Variants in SRPK2 observed in about 807,000 individuals in gnomAD.
The protein encoded by SRPK2 is SRSF protein kinase 2.
In SRPK2, 21 loss-of-function variants were observed where a neutral mutation model predicts 90.8. The ratio of observed to expected loss-of-function variants is 0.23; its 90% confidence interval spans 0.16 to 0.33. The LOEUF is 0.33. Ranked by LOEUF, SRPK2 falls within the 10% of genes least tolerant of loss-of-function variation. The pLI is 1.00. For synonymous variants in SRPK2, 288 were observed against 311.1 expected (o/e 0.93, Z 0.78); for missense variants, 620 against 869.0 (o/e 0.71, Z 3.60).
chr7:105,162,524 A>T (rs1343919973), intron 6 of SRPK2, among the ~76,000 whole-genome samples: 2 of 152,236 alleles, frequency 1.3e-5, no homozygotes, highest in Non-Finnish European at 2.9e-5. Flanking sequence ...TAGTTGATTT[A>T]ATCAACTATA....
intron 2 of SRPK2, among the ~76,000 whole-genome samples, chr7:105,263,506 C>T (rs1247111346): frequency 6.6e-6 from 1 of 151,992 alleles, no homozygotes; most frequent in Admixed American, 6.6e-5. Context: ...ACATAGGTAA[C>T]CTCACATAGG....
intron 7 of SRPK2, among the ~76,000 whole-genome samples, chr7:105,154,580 G>A (rs1032145301): frequency 6.6e-6 from 1 of 152,026 alleles, no homozygotes; most frequent in South Asian, 2.1e-4. Flanking sequence ...GCATACTAGA[G>A]GGTTGCACCC....
chr7:105,169,237 G>A lies in SRPK2; in HGVS notation c.258C>T (p.Asp86=). The change falls in exon 4 of 16, where the codon GAC becomes GAT. Residue 86 remains aspartate, a synonymous_variant. Coordinates refer to ENST00000393651, the MANE Select transcript of SRPK2 (RefSeq NM_182692.3). ...KGGYHPVKIG[D]LFNGRYHVIR... ...TAACATGATACCGGCCATTGAAGAG[G>A]TCTCCAATTTTCACTGGATGATATC... The A allele has an allele frequency of 3.7e-6, 6 of 1,613,840 alleles. No individual in the cohort carries two copies. Among genetic ancestry groups the A allele is most frequent in the Non-Finnish European group, 5.1e-6 (6 of 1,179,896 alleles).
At chr7:105,152,213 G>A (rs1283542308) in intron 7 of SRPK2, among the ~76,000 whole-genome samples, 2 of 151,868 alleles carry the variant, frequency 1.3e-5, no homozygotes, top group East Asian at 2.0e-4. Context: ...GCAGTGGCAC[G>A]ATCTTGGCTC....
intron 15 of SRPK2, 116 bp downstream of exon 15, chr7:105,126,132 C>A (rs1801165362): frequency 1.1e-6 from 1 of 884,126 alleles, no homozygotes; most frequent in Non-Finnish European, 1.8e-6. Context: ...AGGAATTCTG[C>A]TGGGTTGCGT....
intron 6 of SRPK2, among the ~76,000 whole-genome samples, chr7:105,166,476 TG>T (rs1446333854): frequency 2.0e-5 from 3 of 152,190 alleles, no homozygotes; most frequent in Non-Finnish European, 4.4e-5. Flanking sequence ...TAAAAGGACA[TG>T]ACTTCTAGGA....
intron 14 of SRPK2, 102 bp downstream of exon 14, chr7:105,126,891 C>G: frequency 8.3e-7 from 1 of 1,208,076 alleles, no homozygotes; most frequent in African/African-American, 1.5e-5. Flanking sequence ...GTTTGAAAAC[C>G]AAACACATGG....
At chr7:105,394,644 T>C (rs1277262496) in intron 1 of SRPK2, among the ~76,000 whole-genome samples, 1 of 152,222 alleles carries the variant, frequency 6.6e-6, no homozygotes, top group African/African-American at 2.4e-5. Context: ...GGGAGATACA[T>C]CGCCAATCTG....
intron 2 of SRPK2, among the ~76,000 whole-genome samples, chr7:105,344,757 T>C (rs892941621): frequency 4.7e-5 from 7 of 150,516 alleles, no homozygotes. Flanking sequence ...TAACTTTATT[T>C]GCAAGTCTTT....
intron 7 of SRPK2, among the ~76,000 whole-genome samples, chr7:105,159,682 T>A (rs1807270444): frequency 6.6e-6 from 1 of 152,180 alleles, no homozygotes; most frequent in South Asian, 2.1e-4. Context: ...CATCTACGCA[T>A]ACTTTCATTC....
chr7:105,369,622 C>A (rs1314258127), intron 2 of SRPK2, among the ~76,000 whole-genome samples: 2 of 152,166 alleles, frequency 1.3e-5, no homozygotes, highest in Admixed American at 1.3e-4. Context: ...CTGCAATTAA[C>A]ATTCAGTAAC....
At position 105,323,967 on chromosome 7, in the gene SRPK2, T is replaced by TGTGTG. The variant is rs1813232169; in HGVS notation, c.71+64680_71+64681insCACAC. Among the ~76,000 whole-genome samples the TGTGTG allele has an allele frequency of 1.5e-3, 201 of 133,898 alleles. 1 individual carries two copies. Among genetic ancestry groups the TGTGTG allele is most frequent in the African/African-American group, 5.3e-3 (193 of 36,666 alleles). The allele number at this position is 133,898 out of a possible 152,430, so 87.8% of individuals were successfully genotyped here. On this transcript the variant is annotated intron_variant, in intron 2 of 15. Coordinates refer to ENST00000393651, the MANE Select transcript of SRPK2 (RefSeq NM_182692.3). ...AAAAAGACTTTGGTCAGACTATTCT[T>TGTGTG]TGTGTGTGTGTGTGTGTGTGTGTGT...
At chr7:105,261,551 A>G (rs1404532745) in intron 2 of SRPK2, among the ~76,000 whole-genome samples, 4 of 152,102 alleles carry the variant, frequency 2.6e-5, no homozygotes, top group Non-Finnish European at 2.9e-5. Flanking sequence ...AAGAAAAAAG[A>G]AAAATCTAAG....
At chr7:105,120,463 C>T (rs1214753808) in intron 15 of SRPK2, among the ~76,000 whole-genome samples, 1 of 152,124 alleles carries the variant, frequency 6.6e-6, no homozygotes, top group African/African-American at 2.4e-5. Flanking sequence ...AACTATTCAT[C>T]CATAACTAGG....
At position 105,160,555 on chromosome 7, in the gene SRPK2, G is replaced by C. The variant is rs567907807; in HGVS notation, c.573C>G (p.Ser191=). 60 of 1,613,782 alleles carry C rather than the reference G, an allele frequency of 3.7e-5. No individual in the cohort carries two copies. In the South Asian group the frequency reaches 6.4e-4, roughly 17 times the overall value. The change falls in exon 7 of 16, where the codon TCC becomes TCG. Residue 191 remains serine, a synonymous_variant. Coordinates refer to ENST00000393651, the MANE Select transcript of SRPK2 (RefSeq NM_182692.3). ...GHHLLKWIIK[S]NYQGLPVRCV... is the part of the protein sequence containing the mutation. ...AACGTACTGGGAGGCCTTGATAGTT[G>C]GATTTGATGATCCACTTGAGGAGAT...
intron 2 of SRPK2, among the ~76,000 whole-genome samples, chr7:105,370,077 T>A (rs1365501991): frequency 6.6e-6 from 1 of 151,928 alleles, no homozygotes; most frequent in Non-Finnish European, 1.5e-5. Flanking sequence ...CTAGCTGGCA[T>A]CAAACACAGT....
At chr7:105,140,009 C>T (rs1803473527) in intron 11 of SRPK2, among the ~76,000 whole-genome samples, 1 of 152,016 alleles carries the variant, frequency 6.6e-6, no homozygotes, top group Non-Finnish European at 1.5e-5. Flanking sequence ...ATATAACCTA[C>T]ATATATCTTC....
upstream of SRPK2, chr7:105,389,210 C>G: frequency 8.5e-7 from 1 of 1,173,528 alleles, no homozygotes; most frequent in Non-Finnish European, 1.1e-6. Context: ...CCCGCGGGAC[C>G]CTCCCTCCCC....
At chr7:105,300,098 C>A (rs1221224402) in intron 2 of SRPK2, among the ~76,000 whole-genome samples, 1 of 151,410 alleles carries the variant, frequency 6.6e-6, no homozygotes, top group African/African-American at 2.4e-5. Flanking sequence ...CCGGGCATCA[C>A]CATGTACAGA....
Sources: gnomAD v4.1 joint callset for allele counts (sites outside exome capture counted in the v4.1 genomes callset) on GRCh38, gnomAD v4.1.1 for gene constraint, MANE v1.5 for transcripts, NCBI Gene and HGNC (gene_info 2026-07-23, HGNC 2026-07-21) for gene names.